Variants in RBM28 observed in about 807,000 individuals in gnomAD.
RBM28 encodes RNA binding motif protein 28.
A neutral mutation model predicts 98.3 loss-of-function variants in RBM28; 78 were observed. That is an observed-to-expected ratio of 0.79 (90% CI 0.66 to 0.96). The LOEUF (loss-of-function observed/expected upper bound fraction) is 0.96, where lower values mean the gene tolerates loss of function less well. RBM28 is among the 40% of genes least tolerant of loss of function. The pLI, the probability that RBM28 is intolerant of heterozygous loss-of-function variation, is 0.00. For missense variants in RBM28, 838 were observed against 913.0 expected, an observed-to-expected ratio of 0.92 and a Z score of 1.06; for synonymous variants, 306 against 330.9, an observed-to-expected ratio of 0.92 and a Z score of 0.82.
chr7:128,333,482 C>A, intron 8 of RBM28, 120 bp from the exon 9 acceptor site: 1 of 809,780 alleles, frequency 1.2e-6, no homozygotes, highest in Non-Finnish European at 2.0e-6. Flanking sequence ...CTTTGAAAAG[C>A]CCAGGCGGGC....
chr7:128,338,806 A>G lies in RBM28; in HGVS notation c.373-5T>C, dbSNP rs1796658098. ...CTTCAAGTCATCTTCTGAACACTGA[A>G]GCCAAAAGTGAAGAAAGAAAAAGAG... On this transcript the variant is annotated splice_region_variant and splice_polypyrimidine_tract_variant and intron_variant, in intron 3 of 18. Transcript: ENST00000223073. The G allele has an allele frequency of 6.2e-7, 1 of 1,601,938 alleles. No homozygotes were observed. The highest frequency in any genetic ancestry group is 1.1e-5 in the South Asian group (1 of 90,794).
At chr7:128,332,789 A>T (rs1038150875) in intron 9 of RBM28, among the ~76,000 whole-genome samples, 1 of 152,244 alleles carries the variant, frequency 6.6e-6, no homozygotes, top group African/African-American at 2.4e-5. Context: ...TCATAAAAGC[A>T]GCAATCTATT....
At chr7:128,315,657 A>C (rs1445250685) in intron 16 of RBM28, among the ~76,000 whole-genome samples, 1 of 152,120 alleles carries the variant, frequency 6.6e-6, no homozygotes, top group African/African-American at 2.4e-5. Context: ...CTCTTCAGAA[A>C]CCATGTAAGC....
chr7:128,302,310 G>A lies in RBM28; in HGVS notation c.*8487C>T, dbSNP rs999779346. 2.6e-5 allele frequency: 4 copies of A among 152,238 alleles called. No individual in the cohort carries two copies. The highest frequency in any genetic ancestry group is 4.4e-5 in the Non-Finnish European group (3 of 68,074). The allele number at this position is 152,238 out of a possible 1,614,324, so 9.4% of individuals were successfully genotyped here. On this transcript the variant is annotated 3_prime_UTR_variant, in exon 19 of 19. Transcript: ENST00000223073. The stretch of plus-strand genomic sequence containing the variant: ...GCGGGCAGGAGAGCTGGGCTCATTC[G>A]TTCTGGCAGCTGTCCCTGCAGATGA...
chr7:128,319,699 G>A (rs559349495), intron 14 of RBM28, among the ~76,000 whole-genome samples: 7 of 152,180 alleles, frequency 4.6e-5, no homozygotes, highest in Non-Finnish European at 8.8e-5. Context: ...ATGAGATAAC[G>A]CTTGCCTCAA....
At chr7:128,338,827 A>G in intron 3 of RBM28, 26 bp from the exon 4 acceptor site, 1 of 1,494,112 alleles carries the variant, frequency 6.7e-7, no homozygotes, top group Middle Eastern at 1.7e-4. Context: ...AAGAAAGAAA[A>G]AGAGAAACAC....
intron 15 of RBM28, 28 bp from the exon 16 acceptor site, chr7:128,317,761 A>G (rs1796135891): frequency 1.3e-6 from 2 of 1,535,252 alleles, no homozygotes; most frequent in African/African-American, 1.4e-5. Context: ...AATGCCATTC[A>G]TTAGACTTCT....
chr7:128,333,785 A>T (rs1796537892), intron 8 of RBM28, among the ~76,000 whole-genome samples: 1 of 152,220 alleles, frequency 6.6e-6, no homozygotes, highest in South Asian at 2.1e-4. Context: ...AAGATGTTCA[A>T]ACTCACTCTT....
At chr7:128,311,052 T>A in intron 18 of RBM28, 121 bp from the exon 19 acceptor site, 2 of 992,178 alleles carry the variant, frequency 2.0e-6, no homozygotes, top group Non-Finnish European at 3.1e-6. Flanking sequence ...CAGAAAGGGG[T>A]AGGTTTCTAG....
At chr7:128,333,215 G>T in intron 9 of RBM28, 75 bp downstream of exon 9, 1 of 1,227,152 alleles carries the variant, frequency 8.1e-7, no homozygotes, top group Non-Finnish European at 1.2e-6. Context: ...CAGAACTAGT[G>T]CCAAAAAGAG....
chr7:128,336,404 G>A (rs1304094190), intron 6 of RBM28, among the ~76,000 whole-genome samples: 2 of 152,312 alleles, frequency 1.3e-5, no homozygotes, highest in East Asian at 1.9e-4. Flanking sequence ...ATCTCAGTGC[G>A]TTCTATTCTC....
chr7:128,341,156 T>C (rs962132877), intron 1 of RBM28: 1 of 1,289,452 alleles, frequency 7.8e-7, no homozygotes, highest in African/African-American at 1.5e-5. Context: ...TGCTTCTCTT[T>C]CCACTGCATT....
At position 128,338,232 on chromosome 7, in the gene RBM28, T is replaced by C. The variant is rs1796643856; in HGVS notation, c.541+18A>G. 6.3e-7 allele frequency: 1 copy of C among 1,574,818 alleles called. No individual in the cohort carries two copies. Among genetic ancestry groups the C allele is most frequent in the Middle Eastern group, 1.7e-4 (1 of 5,986 alleles). On this transcript the variant is annotated intron_variant, in intron 5 of 18. Transcript: ENST00000223073. ...ACCAGAAATATCTGGGTCAATGATATGGGTATAGAAAGCTTACCTTTTATC... is the reference window on the plus strand; with the variant it reads ...ACCAGAAATATCTGGGTCAATGATACGGGTATAGAAAGCTTACCTTTTATC...
intron 11 of RBM28, 38 bp downstream of exon 11, chr7:128,325,780 C>T (rs1321684293): frequency 1.3e-6 from 2 of 1,506,144 alleles, no homozygotes; most frequent in South Asian, 1.1e-5. Flanking sequence ...AGCCAAACTG[C>T]CTCCTGTGTT....
Position 128,317,644 on chromosome 7 carries a change from A to G in RBM28, c.1788+15T>C. On this transcript the variant is annotated intron_variant, in intron 16 of 18. Coordinates refer to ENST00000223073, the MANE Select transcript of RBM28 (RefSeq NM_018077.3). ...GTTTATGTCCTTAAAAATATGGACC[A>G]TTTAATTTCTGTACCAAGCTGCGCT... 6.4e-7 allele frequency: 1 copy of G among 1,568,010 alleles called. No homozygotes were observed. Among genetic ancestry groups the G allele is most frequent in the African/African-American group, 1.4e-5 (1 of 74,056 alleles).
At position 128,339,637 on chromosome 7, in the gene RBM28, T is replaced by C; in HGVS notation, c.273A>G (p.Lys91=). 1 of 1,614,040 alleles carries C rather than the reference T, an allele frequency of 6.2e-7. No homozygotes were observed. Among genetic ancestry groups the C allele is most frequent in the Non-Finnish European group, 8.5e-7 (1 of 1,179,890 alleles). ...CTTCAATTACTAGAAACTCACCATT[T>C]TTCCCCTTTTCCTTTGTCTTGTTCC... is the stretch of plus-strand genomic sequence containing the variant. ...KLRNKTKEKG[K]NENSECPKKE... is the part of the protein sequence containing the mutation. The change falls in exon 2 of 19, where the codon AAA becomes AAG. Residue 91 remains lysine (K), a synonymous_variant. Transcript: ENST00000223073.
At chr7:128,336,453 T>C (rs1703816707) in intron 6 of RBM28, among the ~76,000 whole-genome samples, 1 of 152,224 alleles carries the variant, frequency 6.6e-6, no homozygotes, top group South Asian at 2.1e-4. Context: ...GTTTTCTAAA[T>C]AAACCTCAAG....
rs746002917 is a variant in RBM28 at position 128,313,269 on chromosome 7, C to T, written c.2051G>A (p.Arg684Gln). 9.3e-6 allele frequency: 15 copies of T among 1,613,704 alleles called. No individual in the cohort carries two copies. Among genetic ancestry groups the T allele is most frequent in the African/African-American group, 4.0e-5 (3 of 74,890 alleles). ...PSHRGPKIRL[R>Q]DKGKVKPVHP... ...GACGGGCTTCACTTTGCCTTTGTCC[C>T]GCAACCTGAAATAACATGGCTGAGT... Residue 684 changes from arginine (R) to glutamine (Q), a missense_variant, in exon 18 of 19, where the codon CGG becomes CAG. By Grantham distance (43) the Arg-to-Gln change is conservative (BLOSUM62 1). Transcript: ENST00000223073.
intron 1 of RBM28, 145 bp from the exon 2 acceptor site, chr7:128,339,936 T>G (rs998847276): frequency 1.0e-6 from 1 of 973,380 alleles, no homozygotes; most frequent in African/African-American, 1.6e-5. Context: ...TTGCCAAAAG[T>G]CTCAGGAGGG....
Sources: gnomAD v4.1 joint callset for allele counts (sites outside exome capture counted in the v4.1 genomes callset) on GRCh38, gnomAD v4.1.1 for gene constraint, MANE v1.5 for transcripts, NCBI Gene and HGNC (gene_info 2026-07-23, HGNC 2026-07-21) for gene names.